The following USH2A variants were observed in gnomAD, a reference collection of about 807,000 sequenced individuals.
USH2A encodes Usher syndrome 2A (autosomal recessive, mild).
USH2A carries 443 observed loss-of-function variants against 538.9 expected under a neutral mutation model. The ratio of observed to expected loss-of-function variants is 0.82; its 90% CI spans 0.76 to 0.89. USH2A has a LOEUF of 0.89. Ranked by LOEUF, USH2A falls within the 40% of genes least tolerant of loss-of-function variation. The pLI is 0.00. For missense variants in USH2A, 6,633 were observed against 6,324.8 expected (o/e 1.05, Z -1.65); for synonymous variants, 2,413 against 2,273.5 (o/e 1.06, Z -1.75).
chr1:215,888,800 C>G lies in USH2A; in HGVS notation c.7849G>C (p.Val2617Leu). 2.5e-6 allele frequency: 4 copies of G among 1,614,122 alleles called. No individual in the cohort carries two copies. The highest frequency in any genetic ancestry group is 1.3e-5 in the African/African-American group (1 of 75,024). Reference sequence around the variant, plus strand: ...TCCGGTGCCCCTGGGAGTGTCCATACAGTCTGGGACTCTGGTGAAAGGGAA... The same window carrying G: ...TCCGGTGCCCCTGGGAGTGTCCATAGAGTCTGGGACTCTGGTGAAAGGGAA... Reference protein sequence around the residue: ...GCSLSPESQTVWTLPGAPEGI... With the variant: ...GCSLSPESQTLWTLPGAPEGI... The change falls in exon 41 of 72, where the codon GTA (valine) becomes CTA (leucine). Residue 2617 changes from valine (V) to leucine (L), a missense_variant. By Grantham distance (32) the Val-to-Leu change is conservative. Transcript: ENST00000307340.
intron 32 of USH2A, among the ~76,000 whole-genome samples, chr1:216,022,272 C>T (rs1050920037): frequency 2.0e-5 from 3 of 152,090 alleles, no homozygotes; most frequent in Non-Finnish European, 2.9e-5. Context: ...CAGCATACTG[C>T]CATTAGAACT....
intron 37 of USH2A, among the ~76,000 whole-genome samples, chr1:215,961,759 C>A (rs1330414315): frequency 6.6e-6 from 1 of 151,464 alleles, no homozygotes; most frequent in Non-Finnish European, 1.5e-5. Flanking sequence ...CAGTGGGGAA[C>A]AATAAGGATT....
chr1:215,630,650 C>T (rs981639858), intron 70 of USH2A, among the ~76,000 whole-genome samples: 11 of 150,608 alleles, frequency 7.3e-5, no homozygotes, highest in Non-Finnish European at 1.3e-4. Flanking sequence ...GTCAGGAGTT[C>T]GAGACCAACC....
chr1:215,841,250 A>T (rs988176874), intron 46 of USH2A, among the ~76,000 whole-genome samples: 1 of 152,174 alleles, frequency 6.6e-6, no homozygotes, highest in Non-Finnish European at 1.5e-5. Context: ...AATCATAAGC[A>T]AAAAGAACAA....
intron 37 of USH2A, among the ~76,000 whole-genome samples, chr1:215,948,268 CTTCT>C (rs1666807174): frequency 6.6e-6 from 1 of 151,846 alleles, no homozygotes; most frequent in Non-Finnish European, 1.5e-5. Flanking sequence ...TCACATATTT[CTTCT>C]TTGTCTAACT....
chr1:216,033,649 A>G (rs577147794), intron 32 of USH2A, among the ~76,000 whole-genome samples: 2 of 152,040 alleles, frequency 1.3e-5, no homozygotes, highest in Admixed American at 6.5e-5. Context: ...TCAGGAGTTC[A>G]AGACCAGCCT....
At chr1:216,365,345 C>T (rs984388242) in intron 3 of USH2A, among the ~76,000 whole-genome samples, 3 of 152,116 alleles carry the variant, frequency 2.0e-5, no homozygotes, top group East Asian at 3.8e-4. Flanking sequence ...ATACATGTAA[C>T]AGCTCTGGTT....
chr1:216,257,679 C>T (rs181955772), intron 11 of USH2A, among the ~76,000 whole-genome samples: 134 of 152,102 alleles, frequency 8.8e-4, no homozygotes, highest in Non-Finnish European at 1.6e-3. Context: ...TCCAATTACA[C>T]ATATACCAAG....
In USH2A at chr1:216,027,823, A is replaced by G. The variant is rs576356567; in HGVS notation, c.6325+18608T>C. On this transcript the variant is annotated intron_variant, in intron 32 of 71. Transcript: ENST00000307340. ...AGAATACATTGATAATGCACTAAAG[A>G]TATCAATGTTGTATTAATATTTTGA... Among the ~76,000 whole-genome samples, 28 of 152,328 alleles carry G rather than the reference A, an allele frequency of 1.8e-4. No individual in the cohort carries two copies. In the South Asian group the frequency reaches 5.8e-3, roughly 32 times the overall value.
At chr1:215,895,057 T>C (rs1243019643) in intron 40 of USH2A, among the ~76,000 whole-genome samples, 2 of 152,206 alleles carry the variant, frequency 1.3e-5, no homozygotes, top group South Asian at 2.1e-4. Flanking sequence ...ACTCTAACTA[T>C]GGTTTTACTG....
chr1:216,144,412 C>T (rs1012481474), intron 21 of USH2A, among the ~76,000 whole-genome samples: 1 of 151,314 alleles, frequency 6.6e-6, no homozygotes, highest in African/African-American at 2.4e-5. Flanking sequence ...TATACAGAAC[C>T]AAGTTAAACA....
rs1362267694 is a variant in USH2A, at chr1:215,627,452, C to CTTT, written c.15519+1361_15519+1362insAAA. Among the ~76,000 whole-genome samples the CTTT allele has an allele frequency of 1.4e-3, 181 of 132,286 alleles. 15 individuals carry two copies. Among genetic ancestry groups the CTTT allele is most frequent in the East Asian group, 1.8e-3 (8 of 4,444 alleles). The allele number at this position is 132,286 out of a possible 152,430, so 86.8% of individuals were successfully genotyped here. A position where few individuals can be genotyped will look rare whatever the true frequency, so the allele number is the denominator to read the frequency against. On this transcript the variant is annotated intron_variant, in intron 71 of 71. Transcript: ENST00000307340. ...TCCTTCCTTCCTTCCTTCCTTCCTT[C>CTTT]CTTCCTTCCTTCCTTCCTTCCTTCC...
chr1:215,957,330 C>T (rs568612016), intron 37 of USH2A, among the ~76,000 whole-genome samples: 83 of 152,218 alleles, frequency 5.5e-4, no homozygotes, highest in Middle Eastern at 3.4e-3. Context: ...TTGTCTGTAA[C>T]TAAAAGAACT....
At position 215,767,278 on chromosome 1, in the gene USH2A, T is replaced by C. The variant is rs75394474; in HGVS notation, c.10940-490A>G. On this transcript the variant is annotated intron_variant, in intron 55 of 71. Coordinates refer to ENST00000307340, the MANE Select transcript of USH2A (RefSeq NM_206933.4). ...AGCTCTTCAAATGTTTGTAGACAGT[T>C]ATCAAATCCCCCCTGAGTCTTCTCT... Among the ~76,000 whole-genome samples, 129 of 152,312 alleles carry C rather than the reference T, an allele frequency of 8.5e-4. 1 individual carries two copies. The East Asian group carries it at 0.024, about 28-fold the overall frequency.
At chr1:216,069,150 T>C (rs1342351655) in intron 30 of USH2A, among the ~76,000 whole-genome samples, 1 of 152,220 alleles carries the variant, frequency 6.6e-6, no homozygotes, top group African/African-American at 2.4e-5. Flanking sequence ...CCAGCCCATG[T>C]AGCTGCCATA....
chr1:216,068,818 A>T (rs934577402), intron 30 of USH2A, among the ~76,000 whole-genome samples: 3 of 152,228 alleles, frequency 2.0e-5, no homozygotes, highest in Non-Finnish European at 4.4e-5. Flanking sequence ...TTTAGCATGC[A>T]TTCATTCATC....
chr1:216,274,953 T>C (rs1026960735), intron 11 of USH2A, among the ~76,000 whole-genome samples: 2 of 152,036 alleles, frequency 1.3e-5, no homozygotes, highest in Admixed American at 6.6e-5. Flanking sequence ...AATAAAACTA[T>C]AGTAGGAAAG....
chr1:216,018,949 A>G lies in USH2A; in HGVS notation c.6326-18387T>C, dbSNP rs144945333. 1.4e-4 allele frequency among the ~76,000 whole-genome samples: 22 copies of G among 152,282 alleles called. 1 individual carries two copies. The highest frequency in any genetic ancestry group is 5.3e-4 in the African/African-American group (22 of 41,570). On this transcript the variant is annotated intron_variant, in intron 32 of 71. Coordinates refer to ENST00000307340, the MANE Select transcript of USH2A (RefSeq NM_206933.4). The stretch of plus-strand genomic sequence containing the variant: ...ACATTACTTGGATATAGCACCTAGT[A>G]TAGTGCCTATTACTTAGCAAGCTAT...
intron 61 of USH2A, among the ~76,000 whole-genome samples, chr1:215,704,450 T>C (rs571520719): frequency 6.6e-6 from 1 of 152,352 alleles, no homozygotes; most frequent in East Asian, 1.9e-4. Context: ...TCCTAGATCC[T>C]AATGCATTGA....
Sources: gnomAD v4.1 joint callset for allele counts (sites outside exome capture counted in the v4.1 genomes callset) on GRCh38, gnomAD v4.1.1 for gene constraint, MANE v1.5 for transcripts, NCBI Gene and HGNC (gene_info 2026-07-23, HGNC 2026-07-21) for gene names.